HCRTR1: variants seen among roughly 807,000 people sequenced by gnomAD.
HCRTR1 encodes the protein orexin/Hypocretin receptor type 1.
Under a neutral mutation model 40.6 loss-of-function variants are expected in HCRTR1, and 28 were observed. That is an observed-to-expected ratio of 0.69 (90% CI 0.51 to 0.95). The LOEUF (loss-of-function observed/expected upper bound fraction) is 0.95, where lower values mean the gene tolerates loss of function less well. Among genes scored for constraint, HCRTR1 ranks in the 40% least tolerant of loss-of-function variants. The pLI is 0.00. For synonymous variants in HCRTR1, 209 were observed against 230.0 expected, an observed-to-expected ratio of 0.91 and a Z score of 0.83; for missense variants, 482 against 564.7, an observed-to-expected ratio of 0.85 and a Z score of 1.48.
At chr1:31,633,277 G>T (rs1237292379), downstream of HCRTR1, 2 of 1,613,864 alleles carry the variant, frequency 1.2e-6, no homozygotes, top group Non-Finnish European at 1.7e-6. Context: ...ACTGGAACCA[G>T]GAGTAGGCCT....
At chr1:31,623,879 C>G (rs1482739971) in intron 7 of HCRTR1, 130 bp downstream of exon 7, 1 of 654,540 alleles carries the variant, frequency 1.5e-6, no homozygotes, top group African/African-American at 1.8e-5. Flanking sequence ...TTTCTCTTCT[C>G]TGAGCCTCCA....
At chr1:31,618,605 C>T (rs1329931550) in intron 1 of HCRTR1, among the ~76,000 whole-genome samples, 151 bp from the exon 2 acceptor site, 2 of 152,130 alleles carry the variant, frequency 1.3e-5, no homozygotes, top group Non-Finnish European at 2.9e-5. Flanking sequence ...CCCAAATCTA[C>T]GGTGTTTGGT....
downstream of HCRTR1, chr1:31,633,349 T>G: frequency 6.3e-7 from 1 of 1,580,652 alleles, no homozygotes; most frequent in South Asian, 1.1e-5. Flanking sequence ...TCAACAGAAA[T>G]GCCAGGAAGG....
At chr1:31,634,434 T>A (rs1026791880), downstream of HCRTR1, among the ~76,000 whole-genome samples, 3 of 152,190 alleles carry the variant, frequency 2.0e-5, no homozygotes, top group Admixed American at 2.0e-4. Flanking sequence ...TTCCCCAGAA[T>A]TGTTGTGATG....
downstream of HCRTR1, among the ~76,000 whole-genome samples, chr1:31,634,419 C>A (rs1335172096): frequency 6.6e-6 from 1 of 152,142 alleles, no homozygotes. Context: ...CTAAAATGAA[C>A]CCATTTCCCC....
chr1:31,623,308 A>AAAAG lies in HCRTR1; in HGVS notation c.739-212_739-211insGAAA, dbSNP rs1553152514. Among the ~76,000 whole-genome samples, 21 of 147,946 alleles carry AAAAG rather than the reference A, an allele frequency of 1.4e-4. No individual in the cohort carries two copies. The East Asian group carries it at 3.9e-3, about 27-fold the overall frequency. On this transcript the variant is annotated intron_variant, in intron 6 of 8. Transcript: ENST00000403528. ...TGAAATGCCATCTCAAAAAAAAAAA[A>AAAAG]AAAAGAAAAGAAAAGAAAATGAAAG...
rs1375792803 is a variant in HCRTR1, at chr1:31,619,054, G to A, written c.-139G>A. On this transcript the variant is annotated 5_prime_UTR_variant, in exon 3 of 9. Transcript: ENST00000403528. Reference sequence around the variant, plus strand: ...CTCCTTTCCTTCCTCCCTTCAGGAAGTTTGAGGCTGAGACCCGAAAAGACC... The same window carrying A: ...CTCCTTTCCTTCCTCCCTTCAGGAAATTTGAGGCTGAGACCCGAAAAGACC... The A allele has an allele frequency of 4.7e-6, 3 of 636,408 alleles. No homozygotes were observed. The African/African-American group carries it at 5.5e-5, about 12-fold the overall frequency. 39.4% of individuals were successfully genotyped at this position (636,408 alleles called of 1,614,324 possible). A position where few individuals can be genotyped will look rare whatever the true frequency, so the allele number is the denominator to read the frequency against.
At chr1:31,618,968 T>A (rs1639788295) in intron 2 of HCRTR1, 83 bp from the exon 3 acceptor site, 1 of 569,130 alleles carries the variant, frequency 1.8e-6, no homozygotes, top group Non-Finnish European at 3.1e-6. Flanking sequence ...AAGAGGGAAC[T>A]TATACGCAAA....
rs199572701 is a variant in HCRTR1 at position 31,619,180 on chromosome 1, G to T, written c.-13G>T. ...GCCTAGGATGCCCCTCTGCTGCAGC[G>T]GCTCCTGAGCTCATGGAGCCCTCAG... On this transcript the variant is annotated 5_prime_UTR_variant, in exon 3 of 9. Transcript: ENST00000403528. The T allele has an allele frequency of 1.7e-5, 28 of 1,607,112 alleles. No homozygotes were observed. Among genetic ancestry groups the T allele is most frequent in the Non-Finnish European group, 2.2e-5 (26 of 1,179,208 alleles).
At chr1:31,633,316 T>G, downstream of HCRTR1, 5 of 1,609,630 alleles carry the variant, frequency 3.1e-6, no homozygotes, top group Non-Finnish European at 4.2e-6. Context: ...GGGCGCCACC[T>G]GGAGGAAGGG....
chr1:31,622,298 CA>C (rs1363989818), intron 6 of HCRTR1, among the ~76,000 whole-genome samples: 1 of 152,056 alleles, frequency 6.6e-6, no homozygotes, highest in East Asian at 1.9e-4. Context: ...TGAGAAAAGG[CA>C]GGCCAGAACA....
chr1:31,619,447 G>A, intron 3 of HCRTR1, 56 bp downstream of exon 3: 1 of 1,612,286 alleles, frequency 6.2e-7, no homozygotes, highest in Non-Finnish European at 8.5e-7. Context: ...ATTGAAGGGG[G>A]TTGTGTGGGA....
At chr1:31,618,419 A>G (rs1056012610) in intron 1 of HCRTR1, among the ~76,000 whole-genome samples, 1 of 151,508 alleles carries the variant, frequency 6.6e-6, no homozygotes, top group Non-Finnish European at 1.5e-5. Context: ...TCCGCGCACC[A>G]CCCCCACTGT....
At position 31,627,467 on chromosome 1, in the gene HCRTR1, A is replaced by T. The variant is rs1640005197; in HGVS notation, c.*487A>T. 2 of 799,216 alleles carry T rather than the reference A, an allele frequency of 2.5e-6. No homozygotes were observed. Among genetic ancestry groups the T allele is most frequent in the Non-Finnish European group, 3.7e-6 (2 of 542,448 alleles). 49.5% of individuals were successfully genotyped at this position (799,216 alleles called of 1,614,324 possible). A position where few individuals can be genotyped will look rare whatever the true frequency, so the allele number is the denominator to read the frequency against. ...CCCAGCCTTTCTCCAGCGGGCCACG[A>T]GCACAGCCCCACCCTAACCAGGTGC... is the stretch of plus-strand genomic sequence containing the variant. On this transcript the variant is annotated 3_prime_UTR_variant, in exon 9 of 9. Transcript: ENST00000403528.
chr1:31,626,821 C>A lies in HCRTR1; in HGVS notation c.1119C>A (p.Phe373Leu). The change falls in exon 9 of 9, where the codon TTC becomes TTA. Residue 373 changes from phenylalanine to leucine, a missense_variant. Coordinates refer to ENST00000403528, the MANE Select transcript of HCRTR1 (RefSeq NM_001525.3). This position sits in a 1 kb window ranked among gnomAD's most constrained non-coding sequence, Gnocchi z 4.6. ...TCCGGGAGCAGTTTAAGGCTGCCTT[C>A]TCCTGCTGCCTGCCTGGCCTGGGTC... ...GKFREQFKAA[F>L]SCCLPGLGPC... is the part of the protein sequence containing the mutation. 6.2e-7 allele frequency: 1 copy of A among 1,614,052 alleles called. No individual in the cohort carries two copies. The highest frequency in any genetic ancestry group is 8.5e-7 in the Non-Finnish European group (1 of 1,179,964).
Position 31,619,033 on chromosome 1 carries a change from T to A in HCRTR1, c.-142-18T>A. On this transcript the variant is annotated intron_variant, in intron 2 of 8. Coordinates refer to ENST00000403528, the MANE Select transcript of HCRTR1 (RefSeq NM_001525.3). ...CCTTCTCTCTTTTCCCACTCCCTCCTTTCCTTCCTCCCTTCAGGAAGTTTG... is the reference window on the plus strand; with the variant it reads ...CCTTCTCTCTTTTCCCACTCCCTCCATTCCTTCCTCCCTTCAGGAAGTTTG... The A allele has an allele frequency of 1.6e-6, 1 of 609,482 alleles. No individual in the cohort carries two copies. The highest frequency in any genetic ancestry group is 2.9e-6 in the Non-Finnish European group (1 of 345,618). 37.8% of individuals were successfully genotyped at this position (609,482 alleles called of 1,614,324 possible).
At chr1:31,621,660 C>G in intron 6 of HCRTR1, 68 bp downstream of exon 6, 1 of 1,109,660 alleles carries the variant, frequency 9.0e-7, no homozygotes, top group South Asian at 1.2e-5. Flanking sequence ...GGCTACTGGT[C>G]TAACTGAGTA....
Position 31,626,625 on chromosome 1 carries a change from C to T in HCRTR1, c.1088-165C>T, listed in dbSNP as rs1039143903. 2.0e-5 allele frequency among the ~76,000 whole-genome samples: 3 copies of T among 152,070 alleles called. No homozygotes were observed. The East Asian group carries it at 5.8e-4, about 29-fold the overall frequency. On this transcript the variant is annotated intron_variant, in intron 8 of 8. Coordinates refer to ENST00000403528, the MANE Select transcript of HCRTR1 (RefSeq NM_001525.3). The surrounding 1 kb of genome is among the most constrained non-coding windows in gnomAD (Gnocchi z 4.6). ...CAGGGCTTCTGTCCTCTCTCTCTGG[C>T]GGTGCCGAGGTTGCCTCAGGGCTCT...
At position 31,627,492 on chromosome 1, in the gene HCRTR1, C is replaced by T. The variant is rs373838658; in HGVS notation, c.*512C>T. 16 of 588,380 alleles carry T rather than the reference C, an allele frequency of 2.7e-5. 1 individual carries two copies. The highest frequency in any genetic ancestry group is 1.6e-4 in the South Asian group (10 of 62,416). The allele number at this position is 588,380 out of a possible 1,614,324, so 36.4% of individuals were successfully genotyped here. On this transcript the variant is annotated 3_prime_UTR_variant, in exon 9 of 9. Coordinates refer to ENST00000403528, the MANE Select transcript of HCRTR1 (RefSeq NM_001525.3). ...AGCACAGCCCCACCCTAACCAGGTG[C>T]CAAGGGCACACACCACAGACCCGAC...
Sources: gnomAD v4.1 joint callset for allele counts (sites outside exome capture counted in the v4.1 genomes callset) on GRCh38, gnomAD v4.1.1 for gene constraint, Gnocchi (gnomAD v3.1) non-coding constraint, MANE v1.5 for transcripts, NCBI Gene and HGNC (gene_info 2026-07-23, HGNC 2026-07-21) for gene names.